ANKRD26: variants seen among roughly 807,000 people sequenced by gnomAD.
The protein encoded by ANKRD26 is ankyrin repeat domain-containing protein 26.
ANKRD26 carries 141 observed loss-of-function variants against 208.7 expected under a neutral mutation model. The observed-to-expected ratio is 0.68, with a 90% confidence interval of 0.59 to 0.78. ANKRD26 has a LOEUF of 0.78. Among genes scored for constraint, ANKRD26 ranks in the 30% least tolerant of loss-of-function variants. The pLI, the probability that ANKRD26 is intolerant of heterozygous loss-of-function variation, is 0.00. For synonymous variants in ANKRD26, 636 were observed against 660.4 expected (o/e 0.96, Z 0.57); for missense variants, 1,889 against 1,938.7 (o/e 0.97, Z 0.48).
downstream of ANKRD26, among the ~76,000 whole-genome samples, chr10:26,990,568 T>C (rs919793569): frequency 5.9e-5 from 9 of 152,100 alleles, no homozygotes; most frequent in African/African-American, 2.2e-4. Context: ...AAGCTGAGAA[T>C]AGACCCTAAG....
At chr10:27,010,124 C>A (rs1489596673) in intron 32 of ANKRD26, among the ~76,000 whole-genome samples, 2 of 152,230 alleles carry the variant, frequency 1.3e-5, no homozygotes, top group Non-Finnish European at 2.9e-5. Context: ...AGTTTCATGC[C>A]ATTTTTTAAA....
the ANKRD26 span, among the ~76,000 whole-genome samples, chr10:26,952,406 T>C: frequency 6.6e-6 from 1 of 152,194 alleles, no homozygotes; most frequent in African/African-American, 2.4e-5. Context: ...TTTCTGTTCA[T>C]GCTTTATTGT....
intron 1 of ANKRD26, among the ~76,000 whole-genome samples, chr10:27,098,667 G>T (rs2135781138): frequency 6.6e-6 from 1 of 151,770 alleles, no homozygotes; most frequent in African/African-American, 2.4e-5. Context: ...TCCTGCCTCA[G>T]CCTCCGGAGT....
chr10:27,070,753 C>A (rs1436669268), intron 9 of ANKRD26, among the ~76,000 whole-genome samples: 1 of 151,810 alleles, frequency 6.6e-6, no homozygotes. Flanking sequence ...GCAACCTCCA[C>A]CTCCTGGGTT....
chr10:27,077,388 G>T lies in ANKRD26; in HGVS notation c.1027C>A (p.Leu343Ile). The change falls in exon 9 of 34, where the codon CTT becomes ATT. Residue 343 changes from leucine (L) to isoleucine (I), a missense_variant. By Grantham distance (5) the Leu-to-Ile change is conservative (BLOSUM62 2). Transcript: ENST00000376087. ...GACTTGTGGGAAGGTTTTGGAAGAA[G>T]GTCAGGTGATTGATAGGTAGGATGA... ...FSHPTYQSPD[L>I]LPKPSHKSLA... 6.2e-7 allele frequency: 1 copy of T among 1,614,014 alleles called. No homozygotes were observed. Among genetic ancestry groups the T allele is most frequent in the East Asian group, 2.2e-5 (1 of 44,852 alleles).
At chr10:27,038,102 A>T in intron 21 of ANKRD26, 48 bp from the exon 22 acceptor site, 1 of 1,519,350 alleles carries the variant, frequency 6.6e-7, no homozygotes, top group South Asian at 1.1e-5. Flanking sequence ...TACAAAATAA[A>T]AAGTTCATTG....
intron 5 of ANKRD26, among the ~76,000 whole-genome samples, chr10:27,084,347 C>T (rs1406797757): frequency 6.6e-6 from 1 of 151,490 alleles, no homozygotes; most frequent in Non-Finnish European, 1.5e-5. Context: ...AATTAAAATA[C>T]TTTCATTGAA....
chr10:27,072,517 T>A (rs1188519814), intron 9 of ANKRD26, among the ~76,000 whole-genome samples: 1 of 152,096 alleles, frequency 6.6e-6, no homozygotes, highest in African/African-American at 2.4e-5. Context: ...CATAACACAA[T>A]GGACAGGGAC....
At chr10:27,068,627 C>G (rs2055355591) in intron 9 of ANKRD26, among the ~76,000 whole-genome samples, 1 of 152,074 alleles carries the variant, frequency 6.6e-6, no homozygotes, top group Non-Finnish European at 1.5e-5. Flanking sequence ...TCAGGCCAAA[C>G]CACCAAGGAC....
rs777329279 is a variant in ANKRD26, at chr10:27,014,660, C to T, written c.4558G>A (p.Ala1520Thr). The change falls in exon 31 of 34, where the codon GCT becomes ACT. Residue 1520 changes from alanine to threonine, a missense_variant. By Grantham distance (58) the Ala-to-Thr change is moderately conservative. Coordinates refer to ENST00000376087, the MANE Select transcript of ANKRD26 (RefSeq NM_014915.3). Reference sequence around the variant, plus strand: ...AGTTCCATCTGACTTTTCATTGAAGCAAAATTATTCTCTCTAAACTGCTCT... The same window carrying T: ...AGTTCCATCTGACTTTTCATTGAAGTAAAATTATTCTCTCTAAACTGCTCT... ...NLEQFRENNF[A>T]SMKSQMELRI... 6.2e-7 allele frequency: 1 copy of T among 1,613,378 alleles called. No individual in the cohort carries two copies. The highest frequency in any genetic ancestry group is 8.5e-7 in the Non-Finnish European group (1 of 1,179,812).
chr10:27,053,407 A>G lies in ANKRD26; in HGVS notation c.1565-17T>C, dbSNP rs1343166652. 6.4e-7 allele frequency: 1 copy of G among 1,573,226 alleles called. No homozygotes were observed. Among genetic ancestry groups the G allele is most frequent in the Non-Finnish European group, 8.7e-7 (1 of 1,145,208 alleles). ...CATGTTCAGCTGAAAAAATCCAAAT[A>G]TTTAGTTTAATGAACTACTTAGAAC... On this transcript the variant is annotated splice_polypyrimidine_tract_variant and intron_variant, in intron 15 of 33. Transcript: ENST00000376087.
chr10:27,086,361 T>C lies in ANKRD26; in HGVS notation c.709+178A>G, dbSNP rs73596349. ...AGTACCATTTGGCATCATAAATATC[T>C]ACATGTAACTTCTTAAATAATTCTG... On this transcript the variant is annotated intron_variant, in intron 5 of 33. Coordinates refer to ENST00000376087, the MANE Select transcript of ANKRD26 (RefSeq NM_014915.3). Among the ~76,000 whole-genome samples, 7,386 of 152,254 alleles carry C rather than the reference T, an allele frequency of 0.049. 221 individuals carry two copies. Among genetic ancestry groups the C allele is most frequent in the African/African-American group, 0.082 (3,397 of 41,542 alleles).
the ANKRD26 span, among the ~76,000 whole-genome samples, chr10:26,960,625 T>C: frequency 1.3e-5 from 2 of 152,254 alleles, no homozygotes; most frequent in African/African-American, 4.8e-5. Context: ...CATTACAACA[T>C]GTTGGTAACT....
intron 15 of ANKRD26, among the ~76,000 whole-genome samples, chr10:27,057,062 T>A (rs890142850): frequency 6.6e-6 from 1 of 152,202 alleles, no homozygotes; most frequent in African/African-American, 2.4e-5. Flanking sequence ...AAGTCCCAGG[T>A]CTTTGGCAAG....
At chr10:27,029,024 A>G in intron 26 of ANKRD26, 79 bp from the exon 27 acceptor site, 1 of 1,175,812 alleles carries the variant, frequency 8.5e-7, no homozygotes, top group Admixed American at 2.3e-5. Flanking sequence ...AAACACCTGA[A>G]GGCATAATTA....
chr10:26,951,013 C>CTTTTCTTTTT, the ANKRD26 span, among the ~76,000 whole-genome samples: 36 of 100,904 alleles, frequency 3.6e-4, 1 homozygote, highest in East Asian at 4.3e-3. Context: ...CTTTTCTTTT[C>CTTTTCTTTTT]TTTTTCTTTT....
chr10:27,037,760 G>A, intron 22 of ANKRD26, 111 bp downstream of exon 22: 1 of 884,626 alleles, frequency 1.1e-6, no homozygotes, highest in Non-Finnish European at 1.7e-6. Flanking sequence ...AGGTCAGCTT[G>A]AGATAACAGT....
intron 13 of ANKRD26, among the ~76,000 whole-genome samples, chr10:27,060,752 G>A (rs1006233250): frequency 1.3e-5 from 2 of 152,188 alleles, no homozygotes; most frequent in Non-Finnish European, 2.9e-5. Context: ...AAAACATGCA[G>A]TTATGATTTG....
rs769475343 is a variant in ANKRD26, at chr10:27,092,459, C to T, written c.585G>A (p.Val195=). The T allele has an allele frequency of 7.4e-6, 12 of 1,613,586 alleles. No homozygotes were observed. The highest frequency in any genetic ancestry group is 1.6e-4 in the Middle Eastern group (1 of 6,078). Residue 195 remains valine (V), a synonymous_variant, in exon 4 of 34, where the codon GTG becomes GTA. Transcript: ENST00000376087. The part of the protein sequence containing the change: ...LAVSGKKQQM[V]EFLIKKKANV... ...TTGCTTTTTTCTTTATTAAAAATTC[C>T]ACCATTTGCTGCTTTTTTCCACTTA...
Sources: gnomAD v4.1 joint callset for allele counts (sites outside exome capture counted in the v4.1 genomes callset) on GRCh38, gnomAD v4.1.1 for gene constraint, MANE v1.5 for transcripts, NCBI Gene and HGNC (gene_info 2026-07-23, HGNC 2026-07-21) for gene names.